The following ANKS1A variants were observed in gnomAD, a reference collection of about 807,000 sequenced individuals.
ANKS1A encodes the protein ankyrin repeat and SAM domain-containing protein 1A.
A neutral mutation model predicts 120.3 loss-of-function variants in ANKS1A; 55 were observed. That is an observed-to-expected ratio of 0.46 (90% CI 0.37 to 0.57). The LOEUF is 0.57. Among genes scored for constraint, ANKS1A ranks in the 20% least tolerant of loss-of-function variants. ANKS1A has a pLI of 0.00. For synonymous variants in ANKS1A, 590 were observed against 604.7 expected (o/e 0.98, Z 0.36); for missense variants, 1,123 against 1,480.3 (o/e 0.76, Z 3.96).
chr6:34,940,870 T>G (rs1249674401), intron 1 of ANKS1A, among the ~76,000 whole-genome samples: 1 of 151,744 alleles, frequency 6.6e-6, no homozygotes, highest in Non-Finnish European at 1.5e-5. Flanking sequence ...ATCATGCCAT[T>G]GCACTCCATC....
chr6:34,915,684 A>T (rs771653252), intron 1 of ANKS1A, among the ~76,000 whole-genome samples: 2 of 151,886 alleles, frequency 1.3e-5, no homozygotes, highest in Non-Finnish European at 2.9e-5. Context: ...GGGTTTTTAT[A>T]TTCCCAAGAT....
In ANKS1A at chr6:34,926,843, T is replaced by C. The variant is rs1038025031; in HGVS notation, c.197+37244T>C. Reference sequence around the variant, plus strand: ...ATAGTGTGCAACTTTGGGGCTTGGCTGTGGGGAATGTAAGTGACTCAGTAG... The same window carrying C: ...ATAGTGTGCAACTTTGGGGCTTGGCCGTGGGGAATGTAAGTGACTCAGTAG... On this transcript the variant is annotated intron_variant, in intron 1 of 23. Transcript: ENST00000360359. Among the ~76,000 whole-genome samples the C allele has an allele frequency of 2.0e-5, 3 of 152,234 alleles. No individual in the cohort carries two copies. In the East Asian group the frequency reaches 5.8e-4, roughly 29 times the overall value.
rs972152537 is a variant in ANKS1A at position 35,086,826 on chromosome 6, G to A, written c.3304-126G>A. 64 of 971,010 alleles carry A rather than the reference G, an allele frequency of 6.6e-5. No individual in the cohort carries two copies. In the Admixed American group the frequency reaches 9.6e-4, roughly 15 times the overall value. The allele number at this position is 971,010 out of a possible 1,614,324, so 60.1% of individuals were successfully genotyped here. ...GCCCCCAGGGGCCTGCTCTTTGGCC[G>A]AGGAGAATAAGGGCTGCCCCTCCCA... is the stretch of plus-strand genomic sequence containing the variant. On this transcript the variant is annotated intron_variant, in intron 22 of 23. Transcript: ENST00000360359. This position sits in a 1 kb window ranked among gnomAD's most constrained non-coding sequence, Gnocchi z 5.1.
intron 11 of ANKS1A, among the ~76,000 whole-genome samples, chr6:35,047,755 T>C (rs1237273445): frequency 6.6e-6 from 1 of 152,216 alleles, no homozygotes; most frequent in East Asian, 1.9e-4. Context: ...TTCTTGGCGC[T>C]TTGAGTAAAA....
rs1226854641 is a variant in ANKS1A at position 35,086,627 on chromosome 6, T to C, written c.3304-325T>C. On this transcript the variant is annotated intron_variant, in intron 22 of 23. Transcript: ENST00000360359. This position sits in a 1 kb window ranked among gnomAD's most constrained non-coding sequence, Gnocchi z 5.1. ...ACCAGAGAGACCCGAGGCTGGACAT[T>C]TGCAAGCCCCATATCCCCTTCCTGC... Among the ~76,000 whole-genome samples, 2 of 152,094 alleles carry C rather than the reference T, an allele frequency of 1.3e-5. No individual in the cohort carries two copies.
At chr6:34,946,050 G>A (rs1159690529) in intron 1 of ANKS1A, among the ~76,000 whole-genome samples, 3 of 148,948 alleles carry the variant, frequency 2.0e-5, no homozygotes, top group South Asian at 2.1e-4. Flanking sequence ...GCATGATTTC[G>A]GCTCACTGTA....
intron 1 of ANKS1A, among the ~76,000 whole-genome samples, chr6:34,900,090 G>A (rs1056518795): frequency 1.3e-5 from 2 of 152,198 alleles, no homozygotes; most frequent in Non-Finnish European, 1.5e-5. Context: ...TATTTGCTCA[G>A]TTTACCTACA....
chr6:35,093,477 T>C (rs183976003), downstream of ANKS1A, among the ~76,000 whole-genome samples: 93 of 152,230 alleles, frequency 6.1e-4, no homozygotes, highest in East Asian at 0.016. Flanking sequence ...CCTGAATCCA[T>C]TTTTTAAAAA....
downstream of ANKS1A, among the ~76,000 whole-genome samples, chr6:35,094,862 C>T (rs922154239): frequency 2.0e-4 from 30 of 152,028 alleles, no homozygotes; most frequent in African/African-American, 5.3e-4. Flanking sequence ...TACTCGAGGC[C>T]GGGTATTGTG....
intron 23 of ANKS1A, among the ~76,000 whole-genome samples, chr6:35,088,198 T>C (rs1778097674): frequency 6.6e-6 from 1 of 152,132 alleles, no homozygotes; most frequent in Non-Finnish European, 1.5e-5. Context: ...TCGCAGCAGC[T>C]CAGAAGCTGG....
intron 1 of ANKS1A, among the ~76,000 whole-genome samples, chr6:34,910,689 C>T (rs1439911296): frequency 2.6e-5 from 4 of 151,796 alleles, no homozygotes; most frequent in East Asian, 1.9e-4. Flanking sequence ...GGTGAAACCT[C>T]GTCTCTACTA....
chr6:34,959,922 T>A (rs966496120), intron 1 of ANKS1A, among the ~76,000 whole-genome samples: 5 of 152,202 alleles, frequency 3.3e-5, no homozygotes, highest in African/African-American at 1.2e-4. Context: ...GTTTTGAAAG[T>A]GCTCCCCTTT....
rs191139268 is a variant in ANKS1A at position 34,955,676 on chromosome 6, C to T, written c.198-11563C>T. Among the ~76,000 whole-genome samples, 375 of 152,186 alleles carry T rather than the reference C, an allele frequency of 2.5e-3. 2 individuals carry two copies. Among genetic ancestry groups the T allele is most frequent in the African/African-American group, 8.6e-3 (357 of 41,510 alleles). On this transcript the variant is annotated intron_variant, in intron 1 of 23. Coordinates refer to ENST00000360359, the MANE Select transcript of ANKS1A (RefSeq NM_015245.3). ...CCATCTTCCTCTTTCTCGGTTTGCT[C>T]ATTTGTTTGGTAGAGCACATCCTCC... is the stretch of plus-strand genomic sequence containing the variant.
intron 1 of ANKS1A, among the ~76,000 whole-genome samples, chr6:34,898,359 T>G (rs1767195003): frequency 1.3e-5 from 2 of 152,158 alleles, no homozygotes; most frequent in African/African-American, 2.4e-5. Context: ...CCAGATATGT[T>G]TTCAGGGTGC....
At position 35,084,492 on chromosome 6, in the gene ANKS1A, C is replaced by CT. The variant is rs11458954; in HGVS notation, c.3132+251dup. ...GGGCACTAGGGACAGGAGGTTCCAG[C>CT]TTTTTTTTTTTTTTTTTAAGAGATG... On this transcript the variant is annotated intron_variant, in intron 21 of 23. Coordinates refer to ENST00000360359, the MANE Select transcript of ANKS1A (RefSeq NM_015245.3). The surrounding 1 kb of genome is among the most constrained non-coding windows in gnomAD (Gnocchi z 4.8). 0.3 allele frequency among the ~76,000 whole-genome samples: 42,131 copies of CT among 138,448 alleles called. 7,246 individuals are homozygous for CT. Among genetic ancestry groups the CT allele is most frequent in the East Asian group, 0.67 (3,082 of 4,626 alleles). The allele number at this position is 138,448 out of a possible 152,430, so 90.8% of individuals were successfully genotyped here. A position where few individuals can be genotyped will look rare whatever the true frequency, so the allele number is the denominator to read the frequency against.
At position 35,050,399 on chromosome 6, in the gene ANKS1A, T is replaced by G. The variant is rs1192042933; in HGVS notation, c.2011-3700T>G. Among the ~76,000 whole-genome samples, 1 of 152,188 alleles carries G rather than the reference T, an allele frequency of 6.6e-6. No homozygotes were observed. The highest frequency in any genetic ancestry group is 1.5e-5 in the Non-Finnish European group (1 of 68,028). Reference sequence around the variant, plus strand: ...TCTCATCTCTCTCCAAAAATGTCACTCATCCAAAACCACAGAAAAAGAGGA... The same window carrying G: ...TCTCATCTCTCTCCAAAAATGTCACGCATCCAAAACCACAGAAAAAGAGGA... On this transcript the variant is annotated intron_variant, in intron 11 of 23. Coordinates refer to ENST00000360359, the MANE Select transcript of ANKS1A (RefSeq NM_015245.3). This position sits in a 1 kb window ranked among gnomAD's most constrained non-coding sequence, Gnocchi z 4.3.
chr6:35,016,536 A>C lies in ANKS1A; in HGVS notation c.1424-937A>C, dbSNP rs976578696. On this transcript the variant is annotated intron_variant, in intron 10 of 23. Coordinates refer to ENST00000360359, the MANE Select transcript of ANKS1A (RefSeq NM_015245.3). ...GCTGATGTTAGATTCTGATTTGGCCAATTATTTATGCTACTTCAGGGCGAG... is the reference window on the plus strand; with the variant it reads ...GCTGATGTTAGATTCTGATTTGGCCCATTATTTATGCTACTTCAGGGCGAG... Among the ~76,000 whole-genome samples, 58 of 152,090 alleles carry C rather than the reference A, an allele frequency of 3.8e-4. 1 individual carries two copies. The highest frequency in any genetic ancestry group is 1.4e-3 in the African/African-American group (58 of 41,390).
intron 10 of ANKS1A, among the ~76,000 whole-genome samples, chr6:34,999,600 G>C (rs958756672): frequency 6.6e-6 from 1 of 152,172 alleles, no homozygotes; most frequent in Non-Finnish European, 1.5e-5. Context: ...GGAAAACTTA[G>C]AACTTTGTGT....
At chr6:34,951,267 T>G (rs976890288) in intron 1 of ANKS1A, among the ~76,000 whole-genome samples, 1 of 151,906 alleles carries the variant, frequency 6.6e-6, no homozygotes, top group African/African-American at 2.4e-5. Context: ...TTTATGTTCA[T>G]TACTTTAAAT....
Sources: gnomAD v4.1 joint callset for allele counts (sites outside exome capture counted in the v4.1 genomes callset) on GRCh38, gnomAD v4.1.1 for gene constraint, Gnocchi (gnomAD v3.1) non-coding constraint, MANE v1.5 for transcripts, NCBI Gene and HGNC (gene_info 2026-07-23, HGNC 2026-07-21) for gene names.